Variants in AIPL1 observed in about 807,000 individuals in gnomAD.
AIPL1 encodes AIP like 1 HSP90 co-chaperone.
Under a neutral mutation model 32.9 loss-of-function variants are expected in AIPL1, and 23 were observed. The observed-to-expected ratio is 0.70, with a 90% CI of 0.50 to 0.99. The LOEUF (loss-of-function observed/expected upper bound fraction) is 0.99, where lower values mean the gene tolerates loss of function less well. Ranked by LOEUF, AIPL1 falls within the 50% of genes least tolerant of loss-of-function variation. The pLI is 0.00. For synonymous variants in AIPL1, 210 were observed against 209.4 expected (o/e 1.00, Z -0.02); for missense variants, 485 against 506.0 (o/e 0.96, Z 0.40).
chr17:6,429,198 C>T (rs1912308304), intron 2 of AIPL1, among the ~76,000 whole-genome samples: 1 of 152,182 alleles, frequency 6.6e-6, no homozygotes, highest in Admixed American at 6.5e-5. Flanking sequence ...GAAGATCCGC[C>T]GTGCGGCCTC....
Position 6,426,939 on chromosome 17 carries a change from T to A in AIPL1, c.584A>T (p.Glu195Val). 6.2e-7 allele frequency: 1 copy of A among 1,614,216 alleles called. No homozygotes were observed. The highest frequency in any genetic ancestry group is 8.5e-7 in the Non-Finnish European group (1 of 1,180,034). Reference protein sequence around the residue: ...GNRLFKLGRYEEASSKYQEAI... With the variant: ...GNRLFKLGRYVEASSKYQEAI... The stretch of plus-strand genomic sequence containing the variant: ...CTCCTGGTACTTGGAAGAGGCCTCC[T>A]CGTAGCGGCCCAGCTTGAAGAGCCG... Residue 195 changes from glutamate (E) to valine (V), a missense_variant, in exon 4 of 6, where the codon GAG becomes GTG. Transcript: ENST00000381129.
At chr17:6,434,438 A>T (rs1028924857) in intron 1 of AIPL1, among the ~76,000 whole-genome samples, 10 of 143,602 alleles carry the variant, frequency 7.0e-5, no homozygotes, top group African/African-American at 2.3e-4. Context: ...GGCTCACTGC[A>T]ACCTCCACCT....
intron 2 of AIPL1, among the ~76,000 whole-genome samples, chr17:6,432,596 A>T (rs1912707735): frequency 6.6e-6 from 1 of 151,778 alleles, no homozygotes; most frequent in Non-Finnish European, 1.5e-5. Context: ...TTTTTAAAAG[A>T]TTTCATAATG....
chr17:6,434,853 T>G, intron 1 of AIPL1, 156 bp downstream of exon 1: 1 of 1,356,212 alleles, frequency 7.4e-7, no homozygotes, highest in Non-Finnish European at 9.9e-7. Flanking sequence ...GCCCCCTGAA[T>G]GGGTAAACGC....
At chr17:6,429,824 G>GTAGGTAGATAGA (rs1449995554) in intron 2 of AIPL1, among the ~76,000 whole-genome samples, 1 of 67,530 alleles carries the variant, frequency 1.5e-5, no homozygotes, top group African/African-American at 3.7e-5. Flanking sequence ...AGGTAGGTAG[G>GTAGGTAGATAGA]TAGATAGATA....
At chr17:6,427,842 G>C (rs1349749887) in intron 3 of AIPL1, among the ~76,000 whole-genome samples, 3 of 150,006 alleles carry the variant, frequency 2.0e-5, no homozygotes, top group Non-Finnish European at 3.0e-5. Context: ...TGGACATGGA[G>C]TCTCACTCTG....
rs765416489 is a variant in AIPL1 at position 6,435,054 on chromosome 17, C to T, written c.51G>A (p.Leu17=). ...TTGGGAGCTCGCCCGTGCCCCCGTGCAGAATGGTTTTCTTGACCCCTTCCA... is the reference window on the plus strand; with the variant it reads ...TTGGGAGCTCGCCCGTGCCCCCGTGTAGAATGGTTTTCTTGACCCCTTCCA... ...LNVEGVKKTI[L]HGGTGELPNF... Residue 17 remains leucine (L), a synonymous_variant, in exon 1 of 6, where the codon CTG becomes CTA. Transcript: ENST00000381129. 37 of 1,614,098 alleles carry T rather than the reference C, an allele frequency of 2.3e-5. No individual in the cohort carries two copies. The highest frequency in any genetic ancestry group is 3.0e-5 in the Non-Finnish European group (35 of 1,180,042).
chr17:6,432,491 A>T (rs1173169691), intron 2 of AIPL1, among the ~76,000 whole-genome samples: 1 of 152,256 alleles, frequency 6.6e-6, no homozygotes, highest in Non-Finnish European at 1.5e-5. Flanking sequence ...TGATTTAAAC[A>T]AACCAAACTC....
chr17:6,427,183 A>T, intron 3 of AIPL1, 126 bp from the exon 4 acceptor site: 1 of 1,082,984 alleles, frequency 9.2e-7, no homozygotes, highest in South Asian at 1.3e-5. Flanking sequence ...GTGCATACAG[A>T]CAAGGGAAAG....
intron 2 of AIPL1, among the ~76,000 whole-genome samples, chr17:6,429,843 GATA>G (rs1912384758): frequency 1.3e-5 from 2 of 149,388 alleles, no homozygotes; most frequent in Non-Finnish European, 3.0e-5. Flanking sequence ...TAGATAGATA[GATA>G]GATAGATAGA....
Position 6,425,313 on chromosome 17 carries a change from T to TTG in AIPL1, c.*146_*147insCA. 1.9e-6 allele frequency: 2 copies of TTG among 1,065,594 alleles called. No individual in the cohort carries two copies. The highest frequency in any genetic ancestry group is 2.6e-6 in the Non-Finnish European group (2 of 775,314). The allele number at this position is 1,065,594 out of a possible 1,614,324, so 66.0% of individuals were successfully genotyped here. On this transcript the variant is annotated 3_prime_UTR_variant, in exon 6 of 6. Coordinates refer to ENST00000381129, the MANE Select transcript of AIPL1 (RefSeq NM_014336.5). ...CTTCTGTACCCTTGGGATTGTTTTTTTTTTTTTTTTTACCATGGGTGTGTC... is the reference window on the plus strand; with the variant it reads ...CTTCTGTACCCTTGGGATTGTTTTTTTGTTTTTTTTTTTACCATGGGTGTGTC...
chr17:6,425,377 G>T lies in AIPL1; in HGVS notation c.*83C>A. ...AAAAATTAATTTTAAATTTTAAAAA[G>T]TGACACCACGATCCTGGTCAATCGA... On this transcript the variant is annotated 3_prime_UTR_variant, in exon 6 of 6. Coordinates refer to ENST00000381129, the MANE Select transcript of AIPL1 (RefSeq NM_014336.5). 1 of 1,399,322 alleles carries T rather than the reference G, an allele frequency of 7.1e-7. No individual in the cohort carries two copies. Among genetic ancestry groups the T allele is most frequent in the South Asian group, 1.6e-5 (1 of 60,654 alleles). The allele number at this position is 1,399,322 out of a possible 1,614,324, so 86.7% of individuals were successfully genotyped here.
intron 1 of AIPL1, 63 bp downstream of exon 1, chr17:6,434,946 C>T: frequency 6.2e-7 from 1 of 1,611,226 alleles, no homozygotes. Flanking sequence ...TGCCTTGGGG[C>T]ACACCTGGAA....
chr17:6,426,573 G>A (rs1400698262), intron 5 of AIPL1, 42 bp downstream of exon 5: 4 of 1,601,960 alleles, frequency 2.5e-6, no homozygotes, highest in Non-Finnish European at 2.5e-6. Flanking sequence ...GTGGCCCTGG[G>A]CTGGGCGCCC....
At chr17:6,434,886 C>G in intron 1 of AIPL1, 123 bp downstream of exon 1, 4 of 1,526,206 alleles carry the variant, frequency 2.6e-6, no homozygotes, top group South Asian at 2.4e-5. Flanking sequence ...GGAGGCCCAG[C>G]GCTGGGGCTG....
chr17:6,432,962 C>A (rs1912756034), intron 2 of AIPL1, among the ~76,000 whole-genome samples: 2 of 152,086 alleles, frequency 1.3e-5, no homozygotes, highest in South Asian at 4.1e-4. Context: ...TGGTGTCTGG[C>A]ATTTGGTTTA....
At chr17:6,430,047 GT>G (rs1912423734) in intron 2 of AIPL1, among the ~76,000 whole-genome samples, 2 of 11,324 alleles carry the variant, frequency 1.8e-4, no homozygotes, top group African/African-American at 4.1e-4. Context: ...TAGAAGGGGT[GT>G]GTGTGTGTGT....
Position 6,425,218 on chromosome 17 carries a change from G to A in AIPL1, c.*242C>T, listed in dbSNP as rs1911779225. The A allele has an allele frequency of 2.3e-6, 1 of 435,082 alleles. No individual in the cohort carries two copies. Among genetic ancestry groups the A allele is most frequent in the African/African-American group, 2.0e-5 (1 of 50,122 alleles). The allele number at this position is 435,082 out of a possible 1,614,324, so 27.0% of individuals were successfully genotyped here. A position where few individuals can be genotyped will look rare whatever the true frequency, so the allele number is the denominator to read the frequency against. Reference sequence around the variant, plus strand: ...AAAACTACCAGAAGAATTAAAAACAGGGTCAATTAAAACCATGGCACGGAA... The same window carrying A: ...AAAACTACCAGAAGAATTAAAAACAAGGTCAATTAAAACCATGGCACGGAA... On this transcript the variant is annotated 3_prime_UTR_variant, in exon 6 of 6. Transcript: ENST00000381129.
At chr17:6,432,293 T>G (rs2150688634) in intron 2 of AIPL1, among the ~76,000 whole-genome samples, 1 of 151,838 alleles carries the variant, frequency 6.6e-6, no homozygotes, top group East Asian at 1.9e-4. Flanking sequence ...GAGAATCACT[T>G]GAACCCGGGA....
Sources: allele counts gnomAD v4.1 joint callset (sites outside exome capture counted in the v4.1 genomes callset), GRCh38; gene constraint gnomAD v4.1.1; transcripts MANE v1.5; gene names NCBI Gene and HGNC (gene_info 2026-07-23, HGNC 2026-07-21).